Variants in SLC25A48 observed in about 807,000 individuals in gnomAD.
SLC25A48 encodes the protein CTC-321K16.1.
SLC25A48 carries 29 observed loss-of-function variants against 32.2 expected under a neutral mutation model. The ratio of observed to expected loss-of-function variants is 0.90; its 90% CI spans 0.67 to 1.23. The LOEUF (loss-of-function observed/expected upper bound fraction) is 1.23, where lower values mean the gene tolerates loss of function less well. Among genes scored for constraint, SLC25A48 ranks in the 50% most tolerant of loss-of-function variants. SLC25A48 has a pLI of 0.00. For missense variants in SLC25A48, 399 were observed against 422.7 expected (o/e 0.94, Z 0.49); for synonymous variants, 164 against 172.3 (o/e 0.95, Z 0.38).
intron 3 of SLC25A48, among the ~76,000 whole-genome samples, chr5:135,725,368 G>A (rs1755065287): frequency 6.6e-6 from 1 of 152,200 alleles, no homozygotes; most frequent in South Asian, 2.1e-4. Flanking sequence ...GGAGTGGTCA[G>A]GGATGGCCCT....
rs199982528 is a variant in SLC25A48, at chr5:135,628,697, G to A, written c.-848-540G>A. Among the ~76,000 whole-genome samples, 6 of 152,042 alleles carry A rather than the reference G, an allele frequency of 3.9e-5. No homozygotes were observed. The East Asian group carries it at 7.7e-4, about 20-fold the overall frequency. The stretch of plus-strand genomic sequence containing the variant: ...GAGACCTGTCTTAGAGGATGGAAAC[G>A]CCTTCACCACACCCAGGAATATGGC... On this transcript the variant is annotated intron_variant, in intron 1 of 10. Transcript: ENST00000646290.
intron 3 of SLC25A48, among the ~76,000 whole-genome samples, chr5:135,710,444 C>T (rs116607352): frequency 1.4e-3 from 219 of 152,262 alleles, no homozygotes; most frequent in African/African-American, 4.9e-3. Context: ...GGTTTTGTTC[C>T]GTCTTGTTTT....
intron 1 of SLC25A48, among the ~76,000 whole-genome samples, chr5:135,590,623 G>T (rs1474941587): frequency 6.6e-6 from 1 of 152,180 alleles, no homozygotes; most frequent in African/African-American, 2.4e-5. Flanking sequence ...GGAGAACAGA[G>T]ACCTGCTGGG....
chr5:135,861,624 T>C (rs1760804757), intron 4 of SLC25A48, among the ~76,000 whole-genome samples: 1 of 152,236 alleles, frequency 6.6e-6, no homozygotes, highest in South Asian at 2.1e-4. Context: ...ATCTTCCTAA[T>C]GGTGAATATT....
intron 3 of SLC25A48, among the ~76,000 whole-genome samples, chr5:135,708,491 C>A (rs1754573459): frequency 6.6e-6 from 1 of 152,216 alleles, no homozygotes; most frequent in Non-Finnish European, 1.5e-5. Flanking sequence ...AATATATTCC[C>A]ATTAAGCTAT....
At chr5:135,854,621 C>T (rs1176580958) in intron 4 of SLC25A48, among the ~76,000 whole-genome samples, 3 of 152,224 alleles carry the variant, frequency 2.0e-5, no homozygotes, top group African/African-American at 7.2e-5. Context: ...CTGAGTTAGG[C>T]TTTGGCTTAA....
At position 135,836,959 on chromosome 5, in the gene SLC25A48, TC is replaced by T. The variant is rs1300245224; in HGVS notation, c.46+2076del. Among the ~76,000 whole-genome samples, 209 of 24,696 alleles carry T rather than the reference TC, an allele frequency of 8.5e-3. 5 individuals carry two copies. The highest frequency in any genetic ancestry group is 0.042 in the East Asian group (36 of 866). The allele number at this position is 24,696 out of a possible 152,430, so 16.2% of individuals were successfully genotyped here. On this transcript the variant is annotated intron_variant, in intron 1 of 7. Coordinates refer to ENST00000681962, the MANE Select transcript of SLC25A48 (RefSeq NM_001349336.2). ...AAATTTTGCCCTTTTTTTGATATTA[TC>T]CCCCCCCCCACCCCCCCCCCCCACA...
intron 4 of SLC25A48, among the ~76,000 whole-genome samples, chr5:135,827,721 C>T (rs1198719867): frequency 1.3e-5 from 2 of 151,980 alleles, no homozygotes; most frequent in Non-Finnish European, 2.9e-5. Context: ...TAGTTTGGGG[C>T]CTCATCGAGG....
chr5:135,688,666 A>T (rs1207287697), intron 3 of SLC25A48, among the ~76,000 whole-genome samples: 1 of 152,242 alleles, frequency 6.6e-6, no homozygotes, highest in Non-Finnish European at 1.5e-5. Context: ...GCCAACATTC[A>T]TCCCATGCAA....
intron 3 of SLC25A48, among the ~76,000 whole-genome samples, chr5:135,669,845 G>A (rs1248592899): frequency 6.6e-6 from 1 of 152,188 alleles, no homozygotes; most frequent in Non-Finnish European, 1.5e-5. Flanking sequence ...GGCAATGCAA[G>A]TCCCTGCTCC....
At chr5:135,764,247 G>A (rs532100331) in intron 3 of SLC25A48, among the ~76,000 whole-genome samples, 1 of 151,918 alleles carries the variant, frequency 6.6e-6, no homozygotes, top group Admixed American at 6.5e-5. Context: ...TCCCCATATC[G>A]TGGGGATTTA....
In SLC25A48 at chr5:135,864,693, T is replaced by A. The variant is rs533177013; in HGVS notation, c.422-6768T>A. Among the ~76,000 whole-genome samples the A allele has an allele frequency of 2.0e-5, 3 of 152,352 alleles. No individual in the cohort carries two copies. The South Asian group carries it at 6.2e-4, about 32-fold the overall frequency. On this transcript the variant is annotated intron_variant, in intron 4 of 7. Transcript: ENST00000681962. ...CCTTGTTCTGAACGGTTTGACTAGT[T>A]TGAACCCTTTGAACAGTTTGTCCTT...
chr5:135,753,552 G>A (rs1429213261), intron 3 of SLC25A48, among the ~76,000 whole-genome samples: 3 of 151,892 alleles, frequency 2.0e-5, no homozygotes, highest in African/African-American at 7.3e-5. Flanking sequence ...CTGACAAGGT[G>A]TGCACCTTTG....
At chr5:135,658,288 G>T (rs1753303038) in intron 3 of SLC25A48, among the ~76,000 whole-genome samples, 1 of 152,216 alleles carries the variant, frequency 6.6e-6, no homozygotes, top group African/African-American at 2.4e-5. Context: ...TACAGGCTCT[G>T]TGCAAGTCTG....
At chr5:135,876,819 G>A (rs1762096138) in intron 6 of SLC25A48, among the ~76,000 whole-genome samples, 1 of 152,140 alleles carries the variant, frequency 6.6e-6, no homozygotes. Flanking sequence ...CAGTTTTCTG[G>A]CAGCCGCAGC....
At chr5:135,667,258 T>C (rs1339810091) in intron 3 of SLC25A48, among the ~76,000 whole-genome samples, 1 of 152,144 alleles carries the variant, frequency 6.6e-6, no homozygotes, top group African/African-American at 2.4e-5. Context: ...TACAAAATGG[T>C]ACCACTCTGG....
At chr5:135,802,589 C>A (rs1757358169) in intron 3 of SLC25A48, among the ~76,000 whole-genome samples, 1 of 150,504 alleles carries the variant, frequency 6.6e-6, no homozygotes, top group African/African-American at 2.4e-5. Context: ...TTCACAATAT[C>A]CTAGGGAGAT....
intron 4 of SLC25A48, chr5:135,822,181 C>G (rs1355278687): frequency 6.6e-6 from 1 of 152,252 alleles, no homozygotes; most frequent in Admixed American, 6.5e-5. Flanking sequence ...TGAACCTTGG[C>G]CATGGCAATG....
chr5:135,804,495 A>G (rs1340183097), intron 3 of SLC25A48, among the ~76,000 whole-genome samples: 1 of 151,728 alleles, frequency 6.6e-6, no homozygotes, highest in Non-Finnish European at 1.5e-5. Context: ...ATCTAATATC[A>G]TAGAGGGTGT....
Sources: allele counts gnomAD v4.1 joint callset (sites outside exome capture counted in the v4.1 genomes callset), GRCh38; gene constraint gnomAD v4.1.1; transcripts MANE v1.5; gene names NCBI Gene and HGNC (gene_info 2026-07-23, HGNC 2026-07-21).